The following ELF2 variants were observed in gnomAD, a reference collection of about 807,000 sequenced individuals.
ELF2 encodes the protein ETS-related transcription factor Elf-2.
A neutral mutation model predicts 54.8 loss-of-function variants in ELF2; 11 were observed. The ratio of observed to expected loss-of-function variants is 0.20; its 90% CI spans 0.13 to 0.33. The LOEUF (loss-of-function observed/expected upper bound fraction) is 0.33. ELF2 is among the 10% of genes least tolerant of loss of function. The pLI is 1.00. For missense variants in ELF2, 513 were observed against 703.0 expected (o/e 0.73, Z 3.06); for synonymous variants, 203 against 245.1 (o/e 0.83, Z 1.61).
In ELF2 at chr4:139,131,189, A is replaced by G. The variant is rs1578879798; in HGVS notation, c.73-5860T>C. Reference sequence around the variant, plus strand: ...TTGAATTTCAGAGAAACACTGAATAATAACTGTAAGAATGTCCCATGCAAT... The same window carrying G: ...TTGAATTTCAGAGAAACACTGAATAGTAACTGTAAGAATGTCCCATGCAAT... On this transcript the variant is annotated intron_variant, in intron 3 of 9. Transcript: ENST00000686138. Among the ~76,000 whole-genome samples the G allele has an allele frequency of 2.0e-5, 3 of 152,210 alleles. No homozygotes were observed. In the East Asian group the frequency reaches 5.8e-4, roughly 29 times the overall value.
At chr4:139,100,492 C>T (rs555654433) in intron 4 of ELF2, 1 of 152,262 alleles carries the variant, frequency 6.6e-6, no homozygotes, top group African/African-American at 2.4e-5. Flanking sequence ...GGTATCTGCA[C>T]TAAGTTCGGC....
At chr4:139,115,099 T>G in intron 4 of ELF2, 10 of 1,613,876 alleles carry the variant, frequency 6.2e-6, no homozygotes, top group Non-Finnish European at 8.5e-6. Flanking sequence ...AATCTCCAGT[T>G]CTGGGATCTC....
intron 1 of ELF2, among the ~76,000 whole-genome samples, chr4:139,145,147 C>T (rs1271448459): frequency 2.0e-5 from 3 of 152,190 alleles, no homozygotes; most frequent in Non-Finnish European, 4.4e-5. Context: ...TATGCATGAC[C>T]CAGTTATCAG....
chr4:139,122,353 G>C (rs1736448686), intron 4 of ELF2, among the ~76,000 whole-genome samples: 2 of 152,036 alleles, frequency 1.3e-5, no homozygotes, highest in Admixed American at 6.6e-5. Flanking sequence ...TACATTATAA[G>C]AAATGAACCT....
At position 139,067,758 on chromosome 4, in the gene ELF2, G is replaced by C. The variant is rs766467375; in HGVS notation, c.539C>G (p.Pro180Arg). The C allele has an allele frequency of 2.5e-6, 4 of 1,584,652 alleles. No homozygotes were observed. The East Asian group carries it at 6.7e-5, about 27-fold the overall frequency. ...PMKKKKVGRKPKTQQSPISNG... is the reference protein window; with the variant it reads ...PMKKKKVGRKRKTQQSPISNG... ...GGAAATTGGTGATTGCTGGGTCTTT[G>C]GTTTACGGCCAACTGAAAAAATAAG... Residue 180 changes from proline to arginine, a missense_variant, in exon 7 of 10, where the codon CCA becomes CGA. Physicochemically the swap from Pro to Arg is moderately radical, Grantham distance 103. Coordinates refer to ENST00000686138, the MANE Select transcript of ELF2 (RefSeq NM_001331036.3).
intron 1 of ELF2, among the ~76,000 whole-genome samples, chr4:139,166,633 C>A (rs1741752465): frequency 6.6e-6 from 1 of 152,106 alleles, no homozygotes. Flanking sequence ...CTTTGGGAGG[C>A]CGAGGTGGGC....
At chr4:139,090,295 GTT>G (rs553974574) in intron 4 of ELF2, among the ~76,000 whole-genome samples, 123 of 152,234 alleles carry the variant, frequency 8.1e-4, no homozygotes, top group Admixed American at 2.5e-3. Flanking sequence ...GTTTGGCAGA[GTT>G]ACGATTTTTC....
At chr4:139,145,118 A>G (rs1739096888) in intron 1 of ELF2, among the ~76,000 whole-genome samples, 1 of 152,224 alleles carries the variant, frequency 6.6e-6, no homozygotes, top group Admixed American at 6.5e-5. Flanking sequence ...ATAACATTGC[A>G]CCCAAGAAGG....
intron 7 of ELF2, chr4:139,066,232 A>C (rs1728689746): frequency 6.6e-6 from 1 of 152,002 alleles, no homozygotes; most frequent in African/African-American, 2.4e-5. Context: ...AAAGTGATAA[A>C]TTTTCGGTTA....
At chr4:139,125,017 C>T (rs4863631) in intron 4 of ELF2, 147 bp downstream of exon 4, 6 of 921,568 alleles carry the variant, frequency 6.5e-6, no homozygotes, top group South Asian at 2.2e-5. Context: ...ACACAAATTC[C>T]CTTAAACATA....
chr4:139,068,682 T>G (rs899295863), intron 6 of ELF2, among the ~76,000 whole-genome samples: 1 of 152,152 alleles, frequency 6.6e-6, no homozygotes, highest in East Asian at 1.9e-4. Context: ...CAGACTAGCA[T>G]CCACAATGAA....
chr4:139,115,329 C>G lies in ELF2; in HGVS notation c.238+9835G>C, dbSNP rs1296178022. 9 of 1,471,658 alleles carry G rather than the reference C, an allele frequency of 6.1e-6. No individual in the cohort carries two copies. The Admixed American group carries it at 1.6e-4, about 27-fold the overall frequency. 91.2% of individuals were successfully genotyped at this position (1,471,658 alleles called of 1,614,324 possible). On this transcript the variant is annotated intron_variant, in intron 4 of 9. Coordinates refer to ENST00000686138, the MANE Select transcript of ELF2 (RefSeq NM_001331036.3). Reference sequence around the variant, plus strand: ...GGGCCGCCACTGCCCGGCCCGGGGGCCGGGGTCGCCAACGCCGCGCCCCCC... The same window carrying G: ...GGGCCGCCACTGCCCGGCCCGGGGGGCGGGGTCGCCAACGCCGCGCCCCCC...
chr4:139,131,060 T>G (rs1197444842), intron 3 of ELF2, among the ~76,000 whole-genome samples: 1 of 152,212 alleles, frequency 6.6e-6, no homozygotes, highest in Non-Finnish European at 1.5e-5. Flanking sequence ...AAGGTTATTT[T>G]ACTTAGCATT....
intron 3 of ELF2, among the ~76,000 whole-genome samples, chr4:139,126,223 C>T (rs1206004718): frequency 6.6e-6 from 1 of 151,856 alleles, no homozygotes; most frequent in Non-Finnish European, 1.5e-5. Context: ...AAAATTGAGG[C>T]AATCTCCAGG....
chr4:139,176,305 C>G (rs1286660120), intron 1 of ELF2, among the ~76,000 whole-genome samples: 1 of 152,172 alleles, frequency 6.6e-6, no homozygotes, highest in Non-Finnish European at 1.5e-5. Context: ...AAAGAACTGC[C>G]GAGTACAACC....
chr4:139,128,156 TC>T (rs1300157075), intron 3 of ELF2, among the ~76,000 whole-genome samples: 1 of 151,774 alleles, frequency 6.6e-6, no homozygotes, highest in African/African-American at 2.4e-5. Flanking sequence ...TTGCCTATAG[TC>T]CTAGCTACTT....
chr4:139,122,250 C>A (rs1028833395), intron 4 of ELF2, among the ~76,000 whole-genome samples: 1 of 152,146 alleles, frequency 6.6e-6, no homozygotes, highest in Non-Finnish European at 1.5e-5. Context: ...CCCAATTCAC[C>A]AAATAAAATC....
Position 139,137,843 on chromosome 4 carries a change from T to C in ELF2, c.-142A>G. 7.4e-7 allele frequency: 1 copy of C among 1,346,890 alleles called. No homozygotes were observed. The highest frequency in any genetic ancestry group is 9.5e-7 in the Non-Finnish European group (1 of 1,049,054). 83.4% of individuals were successfully genotyped at this position (1,346,890 alleles called of 1,614,324 possible). On this transcript the variant is annotated 5_prime_UTR_variant, in exon 3 of 10. Coordinates refer to ENST00000686138, the MANE Select transcript of ELF2 (RefSeq NM_001331036.3). ...GGAGTAGATATCCAGAAATCCAGTCTTCTAAAGATGATTAACCAGAAAGCC... is the reference window on the plus strand; with the variant it reads ...GGAGTAGATATCCAGAAATCCAGTCCTCTAAAGATGATTAACCAGAAAGCC...
chr4:139,062,243 T>G (rs1727975388), intron 7 of ELF2, among the ~76,000 whole-genome samples, 186 bp from the exon 8 acceptor site: 1 of 152,062 alleles, frequency 6.6e-6, no homozygotes, highest in Admixed American at 6.6e-5. Context: ...CAATCTTGGC[T>G]CACTGCAACC....
Sources: allele counts gnomAD v4.1 joint callset (sites outside exome capture counted in the v4.1 genomes callset), GRCh38; gene constraint gnomAD v4.1.1; transcripts MANE v1.5; gene names NCBI Gene and HGNC (gene_info 2026-07-23, HGNC 2026-07-21).